MGAT4C: variants seen among roughly 807,000 people sequenced by gnomAD.
The protein encoded by MGAT4C is alpha-1,3-mannosyl-glycoprotein 4-beta-N-acetylglucosaminyltransferase C.
In MGAT4C, 19 loss-of-function variants were observed where a neutral mutation model predicts 40.1. That is an observed-to-expected ratio of 0.47 (90% CI 0.33 to 0.70). MGAT4C has a LOEUF of 0.70. Among genes scored for constraint, MGAT4C ranks in the 30% least tolerant of loss-of-function variants. The pLI is 0.02. For missense variants in MGAT4C, 491 were observed against 563.2 expected (o/e 0.87, Z 1.30); for synonymous variants, 181 against 187.1 (o/e 0.97, Z 0.27).
intron 1 of MGAT4C, among the ~76,000 whole-genome samples, chr12:86,788,009 A>G (rs2136190097): frequency 6.7e-6 from 1 of 149,388 alleles, no homozygotes; most frequent in East Asian, 1.9e-4. Context: ...TAGATAACAG[A>G]AGAAGAGACA....
chr12:85,980,429 C>A lies in MGAT4C; in HGVS notation c.297G>T (p.Arg99=). 2.5e-6 allele frequency: 4 copies of A among 1,570,088 alleles called. No homozygotes were observed. The highest frequency in any genetic ancestry group is 3.4e-6 in the Non-Finnish European group (4 of 1,161,516). Residue 99 remains arginine (R), a splice_region_variant and synonymous_variant, in exon 5 of 5, where the codon CGG becomes CGT. Transcript: ENST00000611864. ...YLAATPLQRK[R]YLTIGLSSVK... ...CTGAAGAAAGTCCAATTGTAAGATA[C>A]CCTGCAAAAAAGAATTCAGAAGCAA...
In MGAT4C at chr12:86,762,455, T is replaced by G. The variant is rs796640205; in HGVS notation, c.-261-35214A>C. 2.6e-5 allele frequency among the ~76,000 whole-genome samples: 4 copies of G among 152,260 alleles called. 1 individual carries two copies. The highest frequency in any genetic ancestry group is 7.2e-5 in the African/African-American group (3 of 41,552). ...CTGAGGTCTCATTTCTTACTGGCTGTGGGGTGAGAAAGCCACTGTTCATTG... is the reference window on the plus strand; with the variant it reads ...CTGAGGTCTCATTTCTTACTGGCTGGGGGGTGAGAAAGCCACTGTTCATTG... On this transcript the variant is annotated intron_variant, in intron 1 of 7. Coordinates refer to the MGAT4C transcript ENST00000548651.
intron 2 of MGAT4C, among the ~76,000 whole-genome samples, chr12:86,576,665 G>T (rs1410218219): frequency 6.6e-6 from 1 of 151,800 alleles, no homozygotes; most frequent in East Asian, 1.9e-4. Context: ...TCTCTGTTCT[G>T]TTCCACTGGT....
chr12:86,248,409 T>C (rs929773758), intron 1 of MGAT4C, among the ~76,000 whole-genome samples: 2 of 152,022 alleles, frequency 1.3e-5, no homozygotes, highest in Non-Finnish European at 2.9e-5. Context: ...TTTTTTGTTC[T>C]TTCCCCCAAA....
intron 2 of MGAT4C, among the ~76,000 whole-genome samples, chr12:86,014,880 C>G (rs1888908631): frequency 6.6e-6 from 1 of 151,886 alleles, no homozygotes; most frequent in African/African-American, 2.4e-5. Flanking sequence ...TTGGAGGGCT[C>G]AAATGATCCT....
chr12:86,128,473 A>C (rs1880657381), intron 1 of MGAT4C, among the ~76,000 whole-genome samples: 1 of 152,170 alleles, frequency 6.6e-6, no homozygotes, highest in African/African-American at 2.4e-5. Context: ...CCAAGCAAGA[A>C]GTGCCTTTCA....
intron 2 of MGAT4C, among the ~76,000 whole-genome samples, chr12:86,043,206 T>C (rs1187028664): frequency 6.6e-6 from 1 of 152,190 alleles, no homozygotes; most frequent in Non-Finnish European, 1.5e-5. Flanking sequence ...GATAGATGTA[T>C]ATATAAAAGG....
At chr12:86,630,448 A>C (rs1339397197) in intron 2 of MGAT4C, among the ~76,000 whole-genome samples, 1 of 152,178 alleles carries the variant, frequency 6.6e-6, no homozygotes, top group Non-Finnish European at 1.5e-5. Context: ...GAGACACACA[A>C]AAAAAGAGAA....
intron 1 of MGAT4C, among the ~76,000 whole-genome samples, chr12:86,211,836 T>C (rs1041665947): frequency 6.6e-6 from 1 of 152,076 alleles, no homozygotes; most frequent in Non-Finnish European, 1.5e-5. Context: ...TTTGCAGCTG[T>C]TGGAAAGTAA....
At chr12:86,754,985 T>TTA (rs201941193) in intron 1 of MGAT4C, among the ~76,000 whole-genome samples, 78 of 150,884 alleles carry the variant, frequency 5.2e-4, no homozygotes, top group Middle Eastern at 6.8e-3. Context: ...TGATGACTAG[T>TTA]TATATATATA....
intron 4 of MGAT4C, among the ~76,000 whole-genome samples, chr12:86,274,682 T>C (rs1953025935): frequency 6.6e-6 from 1 of 152,172 alleles, no homozygotes; most frequent in Admixed American, 6.5e-5. Context: ...AAAAGTAGTA[T>C]TTAATAGAAG....
intron 1 of MGAT4C, among the ~76,000 whole-genome samples, chr12:86,126,743 C>T (rs1880337003): frequency 6.6e-6 from 1 of 152,130 alleles, no homozygotes; most frequent in Non-Finnish European, 1.5e-5. Context: ...TGAGAAAATG[C>T]ATTGTTAGGC....
chr12:86,042,701 T>TA (rs199784514), intron 2 of MGAT4C, among the ~76,000 whole-genome samples: 11 of 150,880 alleles, frequency 7.3e-5, no homozygotes, highest in African/African-American at 1.7e-4. Flanking sequence ...CCATCTCTAC[T>TA]AAAAAAAATA....
intron 1 of MGAT4C, among the ~76,000 whole-genome samples, chr12:86,746,866 T>C (rs1216487165): frequency 4.6e-5 from 7 of 151,598 alleles, no homozygotes; most frequent in Non-Finnish European, 1.0e-4. Flanking sequence ...GATGTGATAA[T>C]TTAACAAAAT....
intron 1 of MGAT4C, among the ~76,000 whole-genome samples, chr12:86,809,834 T>C (rs984039544): frequency 3.3e-5 from 5 of 152,060 alleles, no homozygotes; most frequent in African/African-American, 1.2e-4. Flanking sequence ...ATTTTCTTTA[T>C]AGATCTTTGG....
intron 2 of MGAT4C, among the ~76,000 whole-genome samples, chr12:86,657,062 T>C (rs542862065): frequency 3.8e-4 from 58 of 152,110 alleles, no homozygotes; most frequent in African/African-American, 1.3e-3. Flanking sequence ...ATCAACCAAC[T>C]TTTGCATCCT....
At chr12:86,809,550 C>A (rs1952429643) in intron 1 of MGAT4C, among the ~76,000 whole-genome samples, 1 of 148,760 alleles carries the variant, frequency 6.7e-6, no homozygotes, top group South Asian at 2.1e-4. Context: ...CATTTGGTAT[C>A]CTATTTTTTA....
chr12:86,265,334 G>T (rs574398298), intron 4 of MGAT4C, among the ~76,000 whole-genome samples: 34 of 152,286 alleles, frequency 2.2e-4, no homozygotes, highest in Non-Finnish European at 5.9e-5. Flanking sequence ...CCCAGCTGGC[G>T]AAACAACACC....
At chr12:86,293,791 T>C (rs1566265084) in intron 4 of MGAT4C, among the ~76,000 whole-genome samples, 1 of 152,160 alleles carries the variant, frequency 6.6e-6, no homozygotes, top group Non-Finnish European at 1.5e-5. Flanking sequence ...GATGGTTTTA[T>C]AAGTGTTTGG....
Sources: allele counts gnomAD v4.1 joint callset (sites outside exome capture counted in the v4.1 genomes callset), GRCh38; gene constraint gnomAD v4.1.1; transcripts MANE v1.5; gene names NCBI Gene and HGNC (gene_info 2026-07-23, HGNC 2026-07-21).